The following CCDC191 variants were observed in gnomAD, a reference collection of about 807,000 sequenced individuals.
The protein encoded by CCDC191 is coiled-coil domain-containing protein 191.
In CCDC191, 99 loss-of-function variants were observed where a neutral mutation model predicts 114.0. The ratio of observed to expected loss-of-function variants is 0.87; its 90% CI spans 0.74 to 1.03. The LOEUF (loss-of-function observed/expected upper bound fraction) is 1.03. Among genes scored for constraint, CCDC191 ranks in the 50% least tolerant of loss-of-function variants. CCDC191 has a pLI of 0.00. For missense variants in CCDC191, 973 were observed against 1,087.0 expected (o/e 0.90, Z 1.47); for synonymous variants, 351 against 376.0 (o/e 0.93, Z 0.77).
chr3:114,047,008 T>C lies in CCDC191; in HGVS notation c.130-276A>G, dbSNP rs562407444. ...AAGTTATTAAGATTTAGATAACTTT[T>C]GTTTAGGGCATTAGTGATAGGATCC... On this transcript the variant is annotated intron_variant, in intron 2 of 16. Transcript: ENST00000295878. 7 of 957,950 alleles carry C rather than the reference T, an allele frequency of 7.3e-6. No individual in the cohort carries two copies. In the East Asian group the frequency reaches 8.0e-4, roughly 110 times the overall value. 59.3% of individuals were successfully genotyped at this position (957,950 alleles called of 1,614,324 possible). A position where few individuals can be genotyped will look rare whatever the true frequency, so the allele number is the denominator to read the frequency against.
chr3:114,044,399 G>A (rs983171956), intron 3 of CCDC191, among the ~76,000 whole-genome samples: 1 of 152,174 alleles, frequency 6.6e-6, no homozygotes, highest in Non-Finnish European at 1.5e-5. Flanking sequence ...GAAAATGCCT[G>A]CTTTAGCATA....
At chr3:114,004,980 C>A (rs1486031974) in intron 10 of CCDC191, among the ~76,000 whole-genome samples, 1 of 152,180 alleles carries the variant, frequency 6.6e-6, no homozygotes, top group Non-Finnish European at 1.5e-5. Flanking sequence ...TGCTTCAAAT[C>A]CATAGGTGTC....
intron 13 of CCDC191, among the ~76,000 whole-genome samples, chr3:113,994,591 T>C (rs1459457277): frequency 6.6e-6 from 1 of 151,746 alleles, no homozygotes; most frequent in African/African-American, 2.4e-5. Context: ...TTTTTTTTTT[T>C]TTTTTTTTTA....
chr3:114,041,581 G>A (rs2076561120), intron 4 of CCDC191, among the ~76,000 whole-genome samples: 1 of 152,158 alleles, frequency 6.6e-6, no homozygotes, highest in South Asian at 2.1e-4. Context: ...TAGGGACACT[G>A]TAGAAGATCT....
At chr3:113,986,477 AC>A (rs1559884223) in intron 13 of CCDC191, among the ~76,000 whole-genome samples, 1 of 152,192 alleles carries the variant, frequency 6.6e-6, no homozygotes, top group African/African-American at 2.4e-5. Flanking sequence ...GAAGCTTAAG[AC>A]CACCAAAGCC....
rs1939964705 is a variant in CCDC191, at chr3:113,964,979, T to C, written c.*176A>G. ...TGTGATAAATGCTATAGTGAATGAC[T>C]AGCAATCCAGGAAAAGTCAAAGAAG... On this transcript the variant is annotated 3_prime_UTR_variant, in exon 17 of 17. Coordinates refer to ENST00000295878, the MANE Select transcript of CCDC191 (RefSeq NM_020817.2). 1 of 431,780 alleles carries C rather than the reference T, an allele frequency of 2.3e-6. No individual in the cohort carries two copies. Among genetic ancestry groups the C allele is most frequent in the African/African-American group, 2.0e-5 (1 of 49,218 alleles). The allele number at this position is 431,780 out of a possible 1,614,324, so 26.7% of individuals were successfully genotyped here.
chr3:114,037,094 A>G (rs1255704521), intron 4 of CCDC191: 1 of 168,528 alleles, frequency 5.9e-6, no homozygotes, highest in African/African-American at 2.4e-5. Context: ...TGAGAGCTCT[A>G]CTGCTTTCAA....
chr3:113,972,882 C>G (rs1940964035), intron 16 of CCDC191, among the ~76,000 whole-genome samples: 1 of 152,058 alleles, frequency 6.6e-6, no homozygotes, highest in Non-Finnish European at 1.5e-5. Flanking sequence ...GCTATTCCTG[C>G]TGTGTTTTTG....
Position 114,010,771 on chromosome 3 carries a change from C to G in CCDC191, c.1413+1G>C, listed in dbSNP as rs746042333. 6.2e-7 allele frequency: 1 copy of G among 1,603,424 alleles called. No individual in the cohort carries two copies. Among genetic ancestry groups the G allele is most frequent in the Non-Finnish European group, 8.5e-7 (1 of 1,173,666 alleles). ...TTTACTAAGCAGGAAAAACAACGTA[C>G]CTGTCCATTTTTTACTGGTGGACCC... On this transcript the variant is annotated splice_donor_variant, in intron 9 of 16. Transcript: ENST00000295878. LOFTEE classifies it high-confidence loss of function.
chr3:113,971,236 T>G (rs1210795148), intron 16 of CCDC191, among the ~76,000 whole-genome samples: 1 of 152,166 alleles, frequency 6.6e-6, no homozygotes, highest in Non-Finnish European at 1.5e-5. Context: ...TGTTGTTTCC[T>G]GACTTTTTAA....
chr3:114,049,894 T>C (rs1181452852), intron 2 of CCDC191, among the ~76,000 whole-genome samples: 2 of 152,240 alleles, frequency 1.3e-5, no homozygotes, highest in Non-Finnish European at 2.9e-5. Flanking sequence ...CAACTTATTC[T>C]TTCAGCAAGT....
At chr3:114,006,668 G>A (rs376894406) in intron 9 of CCDC191, among the ~76,000 whole-genome samples, 25 of 144,874 alleles carry the variant, frequency 1.7e-4, no homozygotes, top group African/African-American at 5.4e-4. Flanking sequence ...TGCATAAATT[G>A]ACTCTGAATT....
chr3:114,051,234 T>A (rs2076694956), intron 2 of CCDC191, among the ~76,000 whole-genome samples: 1 of 152,190 alleles, frequency 6.6e-6, no homozygotes, highest in Admixed American at 6.5e-5. Flanking sequence ...CCTATGACAC[T>A]GAAGTTGGAC....
chr3:113,993,124 A>G (rs1472967113), intron 13 of CCDC191, among the ~76,000 whole-genome samples: 1 of 152,118 alleles, frequency 6.6e-6, no homozygotes, highest in East Asian at 1.9e-4. Context: ...ATAAAAAAAA[A>G]TTTCAGTAGG....
Position 114,053,581 on chromosome 3 carries a change from T to G in CCDC191, c.129+16A>C. On this transcript the variant is annotated intron_variant, in intron 2 of 16. Coordinates refer to ENST00000295878, the MANE Select transcript of CCDC191 (RefSeq NM_020817.2). ...CTCTTAATACTCTTTTTATTCTAAA[T>G]TTGAAATATCCTTACCTTTATCCAG... 1 of 1,519,168 alleles carries G rather than the reference T, an allele frequency of 6.6e-7. No homozygotes were observed. The highest frequency in any genetic ancestry group is 9.1e-7 in the Non-Finnish European group (1 of 1,104,138). The allele number at this position is 1,519,168 out of a possible 1,614,324, so 94.1% of individuals were successfully genotyped here.
chr3:113,994,327 ACAC>A lies in CCDC191; in HGVS notation c.2163+7265_2163+7267del, dbSNP rs573651332. On this transcript the variant is annotated intron_variant, in intron 13 of 16. Transcript: ENST00000295878. ...TTTGTTGTTAGGGAAACGCAAATAA[ACAC>A]CACAATGATATATTACTACACACCT... 3.3e-5 allele frequency among the ~76,000 whole-genome samples: 5 copies of A among 152,324 alleles called. No homozygotes were observed. In the East Asian group the frequency reaches 9.6e-4, roughly 29 times the overall value.
intron 13 of CCDC191, among the ~76,000 whole-genome samples, chr3:113,986,146 A>T (rs911312331): frequency 1.2e-4 from 18 of 152,232 alleles, no homozygotes; most frequent in African/African-American, 4.3e-4. Flanking sequence ...AAAGATTCAA[A>T]ATAAAAATGC....
intron 6 of CCDC191, among the ~76,000 whole-genome samples, chr3:114,032,174 A>C (rs1328100332): frequency 1.3e-5 from 2 of 152,176 alleles, no homozygotes; most frequent in Admixed American, 1.3e-4. Flanking sequence ...ATTCTTACTA[A>C]AAGGCCTCTT....
At chr3:114,010,736 A>G in intron 9 of CCDC191, 36 bp downstream of exon 9, 2 of 1,564,892 alleles carry the variant, frequency 1.3e-6, no homozygotes, top group South Asian at 1.2e-5. Context: ...ACAAACCTCA[A>G]ATGCAAGTGT....
Sources: allele counts gnomAD v4.1 joint callset (sites outside exome capture counted in the v4.1 genomes callset), GRCh38; gene constraint gnomAD v4.1.1; transcripts MANE v1.5; gene names NCBI Gene and HGNC (gene_info 2026-07-23, HGNC 2026-07-21).